Variants in POT1 observed in about 807,000 individuals in gnomAD.
The protein encoded by POT1 is protection of telomeres 1.
In POT1, 47 loss-of-function variants were observed where a neutral mutation model predicts 78.5. The ratio of observed to expected loss-of-function variants is 0.60; its 90% CI spans 0.47 to 0.76. The LOEUF (loss-of-function observed/expected upper bound fraction) is 0.76, where lower values mean the gene tolerates loss of function less well. Ranked by LOEUF, POT1 falls within the 30% of genes least tolerant of loss-of-function variation. POT1 has a pLI of 0.00. For synonymous variants in POT1, 259 were observed against 260.7 expected (o/e 0.99, Z 0.06); for missense variants, 646 against 749.9 (o/e 0.86, Z 1.62).
intron 7 of POT1, among the ~76,000 whole-genome samples, chr7:124,866,208 C>T (rs534755371): frequency 4.6e-4 from 70 of 151,650 alleles, no homozygotes; most frequent in African/African-American, 1.3e-3. Context: ...AAACTCTCTG[C>T]GAAGTCTTCT....
At chr7:124,827,334 A>G (rs1295021214) in intron 16 of POT1, 29 bp from the exon 17 acceptor site, 22 of 1,301,542 alleles carry the variant, frequency 1.7e-5, no homozygotes, top group Non-Finnish European at 2.3e-5. Context: ...ATCAAACCAT[A>G]TGAGTCTGCT....
At position 124,841,323 on chromosome 7, in the gene POT1, A is replaced by G. The variant is rs963496702; in HGVS notation, c.1164-145T>C. 2.9e-5 allele frequency: 18 copies of G among 620,444 alleles called. No individual in the cohort carries two copies. The African/African-American group carries it at 3.0e-4, about 10-fold the overall frequency. The allele number at this position is 620,444 out of a possible 1,614,324, so 38.4% of individuals were successfully genotyped here. On this transcript the variant is annotated intron_variant, in intron 13 of 18. Transcript: ENST00000357628. Reference sequence around the variant, plus strand: ...TTCTTAAATTATGTAAATTATGGAGATAATTCACTTTGCAGAACAAATAAC... The same window carrying G: ...TTCTTAAATTATGTAAATTATGGAGGTAATTCACTTTGCAGAACAAATAAC...
At chr7:124,842,990 G>A in intron 12 of POT1, 27 bp from the exon 13 acceptor site, 1 of 1,445,220 alleles carries the variant, frequency 6.9e-7, no homozygotes. Context: ...TATTCAATCA[G>A]AATAACAAGA....
chr7:124,843,384 C>CA (rs1334786940), intron 12 of POT1: 1 of 152,494 alleles, frequency 6.6e-6, no homozygotes, highest in African/African-American at 2.4e-5. Context: ...TGTTTCAAAT[C>CA]AGTTACTTTT....
intron 3 of POT1, among the ~76,000 whole-genome samples, chr7:124,912,516 G>A (rs12155196): frequency 5.0e-4 from 76 of 152,088 alleles, no homozygotes; most frequent in Non-Finnish European, 8.4e-4. Context: ...CCCTTCTCAT[G>A]TTTACAGTTC....
intron 1 of POT1, chr7:124,929,315 A>G (rs1334516584): frequency 6.8e-6 from 1 of 147,148 alleles, no homozygotes; most frequent in African/African-American, 2.4e-5. Flanking sequence ...AGGGAGGCTG[A>G]AAAATCGTGT....
At chr7:124,885,956 T>C (rs985198082) in intron 6 of POT1, among the ~76,000 whole-genome samples, 1 of 152,130 alleles carries the variant, frequency 6.6e-6, no homozygotes, top group Non-Finnish European at 1.5e-5. Flanking sequence ...ACTCTGATAG[T>C]TCTGATAGAC....
At chr7:124,913,612 T>C (rs973822183) in intron 3 of POT1, among the ~76,000 whole-genome samples, 3 of 152,220 alleles carry the variant, frequency 2.0e-5, no homozygotes, top group Admixed American at 1.3e-4. Flanking sequence ...TTAGCTCTTA[T>C]ATATAGATGC....
chr7:124,878,523 G>A (rs995121540), intron 6 of POT1, among the ~76,000 whole-genome samples: 8 of 152,112 alleles, frequency 5.3e-5, no homozygotes, highest in Non-Finnish European at 1.0e-4. Context: ...TAATGGATAT[G>A]TTAATTAGCT....
At chr7:124,854,855 A>G (rs1435540287) in intron 9 of POT1, among the ~76,000 whole-genome samples, 1 of 151,894 alleles carries the variant, frequency 6.6e-6, no homozygotes, top group East Asian at 1.9e-4. Flanking sequence ...TTCTTTTAAA[A>G]TATGTGTGTG....
At chr7:124,913,332 T>C (rs1183490289) in intron 3 of POT1, among the ~76,000 whole-genome samples, 2 of 152,176 alleles carry the variant, frequency 1.3e-5, no homozygotes, top group African/African-American at 4.8e-5. Flanking sequence ...GCTTATCTTT[T>C]TGTTGTTGAA....
intron 6 of POT1, among the ~76,000 whole-genome samples, chr7:124,878,692 C>T (rs189548954): frequency 2.6e-5 from 4 of 151,916 alleles, no homozygotes; most frequent in South Asian, 2.1e-4. Context: ...ATAGTGAAGG[C>T]GCAGTTTTAT....
At chr7:124,915,252 T>C (rs1166928030) in intron 3 of POT1, among the ~76,000 whole-genome samples, 1 of 152,186 alleles carries the variant, frequency 6.6e-6, no homozygotes, top group Non-Finnish European at 1.5e-5. Flanking sequence ...TGTTACAAAG[T>C]AGCCCTTCCT....
chr7:124,831,345 A>G (rs1434986395), intron 15 of POT1, among the ~76,000 whole-genome samples: 1 of 152,206 alleles, frequency 6.6e-6, no homozygotes, highest in African/African-American at 2.4e-5. Context: ...CCTTAGGAGT[A>G]ACTTTCAAAC....
At chr7:124,852,111 C>T (rs1056217876) in intron 10 of POT1, among the ~76,000 whole-genome samples, 160 bp from the exon 11 acceptor site, 7 of 151,762 alleles carry the variant, frequency 4.6e-5, no homozygotes, top group Admixed American at 2.0e-4. Context: ...TCAGATTTTC[C>T]GGGGGTTCAA....
rs553128480 is a variant in POT1, at chr7:124,829,400, A to G, written c.1506-58T>C. 15 of 1,149,180 alleles carry G rather than the reference A, an allele frequency of 1.3e-5. No homozygotes were observed. In the South Asian group the frequency reaches 1.6e-4, roughly 12 times the overall value. The allele number at this position is 1,149,180 out of a possible 1,614,324, so 71.2% of individuals were successfully genotyped here. On this transcript the variant is annotated intron_variant, in intron 15 of 18. Transcript: ENST00000357628. ...TTAAAAATAATTTAGCTTGTTTGTTATAACTTTTTACTGCTCAAACATGTG... is the reference window on the plus strand; with the variant it reads ...TTAAAAATAATTTAGCTTGTTTGTTGTAACTTTTTACTGCTCAAACATGTG...
chr7:124,852,038 T>C (rs550418707), intron 10 of POT1, 87 bp from the exon 11 acceptor site: 25 of 879,474 alleles, frequency 2.8e-5, no homozygotes, highest in East Asian at 5.3e-5. Context: ...CAGAAATTCA[T>C]TGAAATTGTA....
At chr7:124,921,864 G>A (rs1277174383) in intron 2 of POT1, among the ~76,000 whole-genome samples, 1 of 151,678 alleles carries the variant, frequency 6.6e-6, no homozygotes, top group Non-Finnish European at 1.5e-5. Context: ...TAATAATGTG[G>A]CAGGAAAAAA....
In POT1 at chr7:124,835,339, T is replaced by C; in HGVS notation, c.1445A>G (p.Asp482Gly). Residue 482 changes from aspartate to glycine, a missense_variant, in exon 15 of 19, where the codon GAC becomes GGC. Physicochemically the swap from Asp to Gly is moderately conservative, Grantham distance 94. Transcript: ENST00000357628. ...SVIPVRSGHE[D>G]LELLDLSAPF... ...TGCTGAAAGGTCCAAAAGTTCCAGGTCTTCGTGGCCAGATCTCACAGGAAT... is the reference window on the plus strand; with the variant it reads ...TGCTGAAAGGTCCAAAAGTTCCAGGCCTTCGTGGCCAGATCTCACAGGAAT... The C allele has an allele frequency of 6.2e-7, 1 of 1,614,102 alleles. No homozygotes were observed. The highest frequency in any genetic ancestry group is 1.1e-5 in the South Asian group (1 of 91,078).
Sources: gnomAD v4.1 joint callset for allele counts (sites outside exome capture counted in the v4.1 genomes callset) on GRCh38, gnomAD v4.1.1 for gene constraint, MANE v1.5 for transcripts, NCBI Gene and HGNC (gene_info 2026-07-23, HGNC 2026-07-21) for gene names.